WWP2: variants seen among roughly 807,000 people sequenced by gnomAD.
The protein encoded by WWP2 is NEDD4-like E3 ubiquitin-protein ligase WWP2.
A neutral mutation model predicts 121.0 loss-of-function variants in WWP2; 57 were observed. That is an observed-to-expected ratio of 0.47 (90% confidence interval 0.38 to 0.59). The LOEUF (loss-of-function observed/expected upper bound fraction) is 0.59. WWP2 is among the 20% of genes least tolerant of loss of function. The pLI is 0.00. For synonymous variants in WWP2, 449 were observed against 441.3 expected (o/e 1.02, Z -0.22); for missense variants, 962 against 1,158.9 (o/e 0.83, Z 2.47).
chr16:69,808,007 A>G lies in WWP2; in HGVS notation c.340+8712A>G, dbSNP rs568503402. 3.3e-5 allele frequency among the ~76,000 whole-genome samples: 5 copies of G among 152,324 alleles called. No individual in the cohort carries two copies. The South Asian group carries it at 8.3e-4, about 25-fold the overall frequency. On this transcript the variant is annotated intron_variant, in intron 4 of 23. Transcript: ENST00000359154. Reference sequence around the variant, plus strand: ...TCTTAGTGTTACAACTTGAATATGTACATGTGTCCACAGCTGCGTAATCAT... The same window carrying G: ...TCTTAGTGTTACAACTTGAATATGTGCATGTGTCCACAGCTGCGTAATCAT...
At chr16:69,790,196 G>A (rs769176530) in intron 2 of WWP2, among the ~76,000 whole-genome samples, 3 of 151,912 alleles carry the variant, frequency 2.0e-5, no homozygotes, top group Non-Finnish European at 2.9e-5. Flanking sequence ...GCTGTGAGCC[G>A]AGACCACACC....
intron 6 of WWP2, among the ~76,000 whole-genome samples, chr16:69,866,461 C>T (rs2151909853): frequency 6.6e-6 from 1 of 152,006 alleles, no homozygotes; most frequent in East Asian, 1.9e-4. Flanking sequence ...CAAATTTCTT[C>T]CCTATTTCCC....
At chr16:69,872,726 G>A (rs1438779435) in intron 7 of WWP2, among the ~76,000 whole-genome samples, 1 of 152,214 alleles carries the variant, frequency 6.6e-6, no homozygotes, top group African/African-American at 2.4e-5. Flanking sequence ...CTACTTGGGG[G>A]TGTGCAGGGG....
chr16:69,773,570 C>T (rs1041605503), intron 1 of WWP2, among the ~76,000 whole-genome samples: 2 of 152,020 alleles, frequency 1.3e-5, no homozygotes, highest in African/African-American at 4.8e-5. Context: ...CAGCCTTGAC[C>T]TCCTGGGTTC....
At position 69,917,764 on chromosome 16, in the gene WWP2, C is replaced by G; in HGVS notation, c.1060C>G (p.Arg354Gly). 6.2e-7 allele frequency: 1 copy of G among 1,613,812 alleles called. No individual in the cohort carries two copies. Among genetic ancestry groups the G allele is most frequent in the South Asian group, 1.1e-5 (1 of 91,074 alleles). Residue 354 changes from arginine (R) to glycine (G), a missense_variant, in exon 10 of 24, where the codon CGG becomes GGG. Transcript: ENST00000359154. Reference sequence around the variant, plus strand: ...GTTTTACTATGTGGATCACAATACTCGGACCACCACCTGGCAGCGTCCGAC... The same window carrying G: ...GTTTTACTATGTGGATCACAATACTGGGACCACCACCTGGCAGCGTCCGAC... ...GRFYYVDHNT[R>G]TTTWQRPTAE...
chr16:69,783,061 G>T (rs2055699840), intron 1 of WWP2: 1 of 150,444 alleles, frequency 6.6e-6, no homozygotes, highest in Non-Finnish European at 1.5e-5. Context: ...CCCAGGCTGG[G>T]GTGCAGCGGC....
At chr16:69,879,926 T>TA (rs1316304299) in intron 7 of WWP2, among the ~76,000 whole-genome samples, 1 of 152,112 alleles carries the variant, frequency 6.6e-6, no homozygotes, top group Non-Finnish European at 1.5e-5. Context: ...CCTGTGCATT[T>TA]AAAAAATGTG....
intron 4 of WWP2, among the ~76,000 whole-genome samples, chr16:69,834,043 T>A (rs1349011611): frequency 6.6e-6 from 1 of 152,224 alleles, no homozygotes; most frequent in Non-Finnish European, 1.5e-5. Flanking sequence ...TCCTACCTGG[T>A]CTTGTGTACC....
At chr16:69,936,230 G>A (rs2058795868) in intron 18 of WWP2, 82 bp from the exon 19 acceptor site, 5 of 1,587,206 alleles carry the variant, frequency 3.2e-6, no homozygotes, top group Non-Finnish European at 4.3e-6. Flanking sequence ...TGGGCCCTTG[G>A]TGTCCCACGG....
chr16:69,904,183 G>A (rs1326363374), intron 8 of WWP2, among the ~76,000 whole-genome samples: 5 of 152,150 alleles, frequency 3.3e-5, no homozygotes, highest in South Asian at 2.1e-4. Flanking sequence ...CTCTGTTACC[G>A]AGCAGACAGA....
intron 4 of WWP2, among the ~76,000 whole-genome samples, chr16:69,812,477 C>CCT (rs1567679792): frequency 2.5e-5 from 3 of 119,888 alleles, no homozygotes; most frequent in Admixed American, 8.9e-5. Flanking sequence ...AACCCCCCCC[C>CCT]TTTTTTTTTT....
At chr16:69,811,902 T>C (rs1463848846) in intron 4 of WWP2, among the ~76,000 whole-genome samples, 1 of 152,202 alleles carries the variant, frequency 6.6e-6, no homozygotes, top group Non-Finnish European at 1.5e-5. Flanking sequence ...ACAAACCTCG[T>C]GTTTCTTTCA....
intron 4 of WWP2, among the ~76,000 whole-genome samples, chr16:69,828,626 A>G (rs2056744495): frequency 6.6e-6 from 1 of 152,150 alleles, no homozygotes; most frequent in Admixed American, 6.6e-5. Context: ...TGGCCTGTCA[A>G]AGTGCTGGGA....
intron 1 of WWP2, among the ~76,000 whole-genome samples, chr16:69,773,583 G>T (rs2055463639): frequency 6.6e-6 from 1 of 151,966 alleles, no homozygotes; most frequent in Non-Finnish European, 1.5e-5. Flanking sequence ...CTGGGTTCTG[G>T]TGATTTCCCA....
chr16:69,920,102 C>A (rs2058537141), intron 10 of WWP2, among the ~76,000 whole-genome samples: 1 of 152,032 alleles, frequency 6.6e-6, no homozygotes, highest in African/African-American at 2.4e-5. Context: ...GCTGATGGAC[C>A]CCCGACTTTT....
chr16:69,775,885 G>A (rs1388896991), intron 1 of WWP2, among the ~76,000 whole-genome samples: 1 of 152,162 alleles, frequency 6.6e-6, no homozygotes, highest in African/African-American at 2.4e-5. Flanking sequence ...TGTTAATCTG[G>A]CTAAGAGTTG....
chr16:69,824,863 C>T (rs1041950825), intron 4 of WWP2, among the ~76,000 whole-genome samples: 3 of 96,264 alleles, frequency 3.1e-5, no homozygotes, highest in East Asian at 3.2e-4. Flanking sequence ...CTCCACCTCC[C>T]GGGTTCAAGT....
intron 7 of WWP2, 43 bp downstream of exon 7, chr16:69,871,974 G>A (rs199621753): frequency 1.3e-6 from 2 of 1,589,582 alleles, no homozygotes; most frequent in African/African-American, 1.3e-5. Context: ...GAAGCTGTGG[G>A]CTCTCACCCG....
At chr16:69,810,811 G>A (rs8059816) in intron 4 of WWP2, among the ~76,000 whole-genome samples, 10,492 of 149,978 alleles carry the variant, frequency 0.07, 1,152 homozygotes, top group African/African-American at 0.24. Flanking sequence ...CTGGAGTGCA[G>A]TGGCACAATC....
Sources: gnomAD v4.1 joint callset for allele counts (sites outside exome capture counted in the v4.1 genomes callset) on GRCh38, gnomAD v4.1.1 for gene constraint, MANE v1.5 for transcripts, NCBI Gene and HGNC (gene_info 2026-07-23, HGNC 2026-07-21) for gene names.